AOPEP: variants seen among roughly 807,000 people sequenced by gnomAD.
AOPEP encodes aminopeptidase O (putative).
A neutral mutation model predicts 98.1 loss-of-function variants in AOPEP; 77 were observed. The ratio of observed to expected loss-of-function variants is 0.78; its 90% CI spans 0.65 to 0.95. The LOEUF (loss-of-function observed/expected upper bound fraction) is 0.95, where lower values mean the gene tolerates loss of function less well. AOPEP is among the 40% of genes least tolerant of loss of function. AOPEP has a pLI of 0.00. For synonymous variants in AOPEP, 346 were observed against 365.3 expected, an observed-to-expected ratio of 0.95 and a Z score of 0.60; for missense variants, 1,024 against 1,024.7, an observed-to-expected ratio of 1.00 and a Z score of 0.01.
intron 5 of AOPEP, among the ~76,000 whole-genome samples, chr9:94,913,506 A>G (rs2052377023): frequency 6.6e-6 from 1 of 152,194 alleles, no homozygotes; most frequent in Non-Finnish European, 1.5e-5. Context: ...GAGATTAGGA[A>G]ATATGCTGTT....
intron 10 of AOPEP, among the ~76,000 whole-genome samples, chr9:94,976,864 G>A (rs900177100): frequency 6.6e-6 from 1 of 151,988 alleles, no homozygotes; most frequent in African/African-American, 2.4e-5. Context: ...ACAGGGTTTT[G>A]CCATGTTGCC....
chr9:95,049,243 C>G (rs1458125149), intron 13 of AOPEP, among the ~76,000 whole-genome samples: 1 of 152,182 alleles, frequency 6.6e-6, no homozygotes, highest in African/African-American at 2.4e-5. Context: ...AGTCAAGCTT[C>G]ACTTTGGAGT....
chr9:94,908,320 T>C (rs2051474749), intron 5 of AOPEP, among the ~76,000 whole-genome samples: 1 of 152,206 alleles, frequency 6.6e-6, no homozygotes, highest in Non-Finnish European at 1.5e-5. Flanking sequence ...AGTCTCTGAC[T>C]GTGCCAGGAT....
chr9:95,123,501 C>T, the AOPEP span: 1 of 474,110 alleles, frequency 2.1e-6, no homozygotes, highest in East Asian at 6.2e-5. Flanking sequence ...TTAGTGCTTC[C>T]TCCAGTCCGT....
At chr9:94,872,204 A>G (rs938739572) in intron 5 of AOPEP, among the ~76,000 whole-genome samples, 1 of 152,162 alleles carries the variant, frequency 6.6e-6, no homozygotes, top group African/African-American at 2.4e-5. Flanking sequence ...TGTGTTTAAA[A>G]TGGATCGATG....
chr9:95,108,317 C>T, the AOPEP span, among the ~76,000 whole-genome samples: 1 of 152,332 alleles, frequency 6.6e-6, no homozygotes, highest in Non-Finnish European at 1.5e-5. Context: ...CTCCCCACCT[C>T]GCCCCTCAGC....
Position 94,759,781 on chromosome 9 carries a change from A to T in AOPEP, c.-3A>T. 1 of 1,611,656 alleles carries T rather than the reference A, an allele frequency of 6.2e-7. No individual in the cohort carries two copies. Among genetic ancestry groups the T allele is most frequent in the Non-Finnish European group, 8.5e-7 (1 of 1,178,872 alleles). ...ATAAATCCCTCAAACAATAAACCAC[A>T]TCATGGACATACAGCTGGACCCTGC... On this transcript the variant is annotated 5_prime_UTR_variant, in exon 2 of 17. Coordinates refer to ENST00000375315, the MANE Select transcript of AOPEP (RefSeq NM_001193329.3).
intron 5 of AOPEP, among the ~76,000 whole-genome samples, chr9:94,891,122 GT>G (rs2048830181): frequency 6.6e-6 from 1 of 152,174 alleles, no homozygotes; most frequent in African/African-American, 2.4e-5. Flanking sequence ...TTAAGCTCTT[GT>G]TTAGTGCATA....
chr9:94,745,496 C>T (rs966849544), intron 1 of AOPEP, among the ~76,000 whole-genome samples: 3 of 151,916 alleles, frequency 2.0e-5, no homozygotes, highest in East Asian at 3.9e-4. Context: ...AGGTTGGTCT[C>T]GATCTCCTGA....
chr9:95,067,520 C>A (rs1278069461), intron 14 of AOPEP, among the ~76,000 whole-genome samples: 1 of 152,182 alleles, frequency 6.6e-6, no homozygotes, highest in East Asian at 1.9e-4. Flanking sequence ...CAGGAAGTTC[C>A]CAGGCACTGA....
At chr9:95,080,561 A>C in intron 14 of AOPEP, 133 bp from the exon 15 acceptor site, 1 of 654,226 alleles carries the variant, frequency 1.5e-6, no homozygotes, top group Non-Finnish European at 2.7e-6. Flanking sequence ...AAAATGTAAA[A>C]CTAAGTGTGT....
intron 5 of AOPEP, among the ~76,000 whole-genome samples, chr9:94,892,953 A>G (rs2049042191): frequency 6.6e-6 from 1 of 152,162 alleles, no homozygotes; most frequent in Non-Finnish European, 1.5e-5. Flanking sequence ...TCAGCCTCCC[A>G]AAGTGCTGGG....
chr9:95,113,278 T>C, the AOPEP span, among the ~76,000 whole-genome samples: 2 of 152,180 alleles, frequency 1.3e-5, no homozygotes, highest in Non-Finnish European at 2.9e-5. Context: ...GTGTCACCCA[T>C]TGTCTGTGTC....
intron 2 of AOPEP, among the ~76,000 whole-genome samples, chr9:94,768,045 C>T (rs190150837): frequency 4.6e-5 from 7 of 152,110 alleles, no homozygotes; most frequent in African/African-American, 7.2e-5. Flanking sequence ...TTAATGAGAA[C>T]GTGGAGTTAT....
chr9:94,945,849 G>C (rs1010876338), intron 7 of AOPEP, among the ~76,000 whole-genome samples: 5 of 151,994 alleles, frequency 3.3e-5, no homozygotes, highest in African/African-American at 1.2e-4. Context: ...TACAGAAAAA[G>C]TTTTCCATTT....
intron 7 of AOPEP, among the ~76,000 whole-genome samples, chr9:94,940,885 G>C (rs1388076992): frequency 6.6e-6 from 1 of 151,936 alleles, no homozygotes; most frequent in Admixed American, 6.6e-5. Context: ...CAAGGCATCT[G>C]CTCCTGTCTC....
chr9:95,089,920 C>T (rs1403321837), downstream of AOPEP, among the ~76,000 whole-genome samples: 1 of 152,262 alleles, frequency 6.6e-6, no homozygotes, highest in Non-Finnish European at 1.5e-5. Context: ...CTCCACTGAA[C>T]AGACGGACCC....
Position 94,825,904 on chromosome 9 carries a change from G to C in AOPEP, c.1364+24902G>C, listed in dbSNP as rs368003187. On this transcript the variant is annotated intron_variant, in intron 5 of 16. Transcript: ENST00000375315. Reference sequence around the variant, plus strand: ...AGGAATAACCTTTACGTTTTAAAAAGTATTTTTAAAAGGATAATTAAAAAA... The same window carrying C: ...AGGAATAACCTTTACGTTTTAAAAACTATTTTTAAAAGGATAATTAAAAAA... 6.1e-4 allele frequency among the ~76,000 whole-genome samples: 93 copies of C among 152,230 alleles called. No homozygotes were observed. The East Asian group carries it at 0.013, about 21-fold the overall frequency.
intron 1 of AOPEP, among the ~76,000 whole-genome samples, chr9:94,738,776 G>A (rs532477385): frequency 3.3e-5 from 5 of 151,920 alleles, no homozygotes; most frequent in Non-Finnish European, 7.4e-5. Flanking sequence ...GGGTTTCACC[G>A]TGTTAGCCAG....
Sources: gnomAD v4.1 joint callset for allele counts (sites outside exome capture counted in the v4.1 genomes callset) on GRCh38, gnomAD v4.1.1 for gene constraint, MANE v1.5 for transcripts, NCBI Gene and HGNC (gene_info 2026-07-23, HGNC 2026-07-21) for gene names.